Variants in MDGA2 observed in about 807,000 individuals in gnomAD.
The protein encoded by MDGA2 is MAM domain containing glycosylphosphatidylinositol anchor 2.
In MDGA2, 40 loss-of-function variants were observed where a neutral mutation model predicts 117.8. The observed-to-expected ratio is 0.34, with a 90% confidence interval of 0.26 to 0.44. The LOEUF is 0.44. Among genes scored for constraint, MDGA2 ranks in the 20% least tolerant of loss-of-function variants. The probability of loss-of-function intolerance (pLI) is 1.00; values close to 1 mark genes in which losing one functional copy is unlikely to be tolerated. For missense variants in MDGA2, 1,123 were observed against 1,250.6 expected, an observed-to-expected ratio of 0.90 and a Z score of 1.54; for synonymous variants, 452 against 439.0, an observed-to-expected ratio of 1.03 and a Z score of -0.37.
chr14:47,136,327 G>T (rs1241033727), intron 4 of MDGA2, among the ~76,000 whole-genome samples: 1 of 151,438 alleles, frequency 6.6e-6, no homozygotes, highest in Non-Finnish European at 1.5e-5. Context: ...CTCCCAAGTA[G>T]CTGGGATTAT....
intron 10 of MDGA2, among the ~76,000 whole-genome samples, chr14:46,919,039 G>A (rs867711089): frequency 2.0e-5 from 3 of 152,244 alleles, no homozygotes; most frequent in Middle Eastern, 3.4e-3. Flanking sequence ...TGGGATTACA[G>A]GCGTGAGCCA....
intron 2 of MDGA2, among the ~76,000 whole-genome samples, chr14:47,273,436 A>C (rs900535368): frequency 5.9e-5 from 9 of 152,182 alleles, no homozygotes; most frequent in African/African-American, 1.9e-4. Flanking sequence ...TGAAAAGCTT[A>C]ATGGTGCTTT....
chr14:47,125,775 CTT>C (rs904405472), intron 5 of MDGA2, among the ~76,000 whole-genome samples: 2 of 151,876 alleles, frequency 1.3e-5, no homozygotes, highest in Admixed American at 6.6e-5. Flanking sequence ...AATCAAGGGA[CTT>C]ATATAATTAG....
chr14:47,267,093 A>T (rs2139690106), intron 2 of MDGA2, among the ~76,000 whole-genome samples: 1 of 152,312 alleles, frequency 6.6e-6, no homozygotes, highest in Non-Finnish European at 1.5e-5. Flanking sequence ...GGATGATTGC[A>T]TGAAGTACCT....
chr14:47,405,844 A>G lies in MDGA2; in HGVS notation c.281-104294T>C, dbSNP rs1463875320. Among the ~76,000 whole-genome samples the G allele has an allele frequency of 7.2e-5, 11 of 152,170 alleles. 1 individual carries two copies. The highest frequency in any genetic ancestry group is 7.2e-4 in the Admixed American group (11 of 15,278). ...CAAAAGATTTACCTCTACAAAGAAC[A>G]TTTCCAAAACATTATTTATGTTCAT... On this transcript the variant is annotated intron_variant, in intron 1 of 16. Transcript: ENST00000399232.
intron 1 of MDGA2, among the ~76,000 whole-genome samples, chr14:47,353,843 C>T (rs998462326): frequency 1.2e-4 from 19 of 152,044 alleles, no homozygotes; most frequent in African/African-American, 2.2e-4. Context: ...CAGAAAAATA[C>T]GCTACATGAA....
At chr14:47,669,141 A>G (rs891319916) in intron 1 of MDGA2, among the ~76,000 whole-genome samples, 6 of 152,244 alleles carry the variant, frequency 3.9e-5, no homozygotes, top group Non-Finnish European at 8.8e-5. Flanking sequence ...TACAGAGCAC[A>G]TCCTTGCAGA....
intron 1 of MDGA2, among the ~76,000 whole-genome samples, chr14:47,588,401 A>G (rs747197846): frequency 6.6e-6 from 1 of 151,626 alleles, no homozygotes; most frequent in Non-Finnish European, 1.5e-5. Flanking sequence ...ATCAATTTCT[A>G]ACATCCTTGT....
At chr14:47,173,346 G>A (rs1360655669) in intron 3 of MDGA2, among the ~76,000 whole-genome samples, 17 of 152,088 alleles carry the variant, frequency 1.1e-4, no homozygotes, top group African/African-American at 4.1e-4. Context: ...ACACATAATT[G>A]TCAGATTCAC....
intron 2 of MDGA2, among the ~76,000 whole-genome samples, chr14:47,222,158 T>C (rs974759702): frequency 2.0e-5 from 3 of 152,110 alleles, no homozygotes; most frequent in East Asian, 3.9e-4. Context: ...CAAGCTTGCG[T>C]ACAGTTAACA....
At chr14:47,282,200 C>G (rs913226865) in intron 2 of MDGA2, among the ~76,000 whole-genome samples, 1 of 152,056 alleles carries the variant, frequency 6.6e-6, no homozygotes, top group Non-Finnish European at 1.5e-5. Flanking sequence ...TGTGGCCATT[C>G]ATTCTTTTTG....
At chr14:47,607,692 G>C (rs768399038) in intron 1 of MDGA2, among the ~76,000 whole-genome samples, 1 of 152,112 alleles carries the variant, frequency 6.6e-6, no homozygotes, top group Non-Finnish European at 1.5e-5. Flanking sequence ...AAAGCAGGAA[G>C]TTCCTTGCAT....
intron 1 of MDGA2, among the ~76,000 whole-genome samples, chr14:47,665,889 G>A (rs61995227): frequency 0.99 from 144,068 of 144,794 alleles, 71,680 homozygotes; most frequent in East Asian, 1. Flanking sequence ...TGAGGAGCGC[G>A]GCCCCCTGCT....
intron 1 of MDGA2, among the ~76,000 whole-genome samples, chr14:47,476,496 C>G (rs1396891567): frequency 6.6e-6 from 1 of 151,028 alleles, no homozygotes; most frequent in Non-Finnish European, 1.5e-5. Flanking sequence ...TGAATTTGAT[C>G]TCAAAAGTAT....
intron 1 of MDGA2, among the ~76,000 whole-genome samples, chr14:47,310,037 A>G (rs1889584588): frequency 6.6e-6 from 1 of 152,150 alleles, no homozygotes; most frequent in African/African-American, 2.4e-5. Context: ...ATTATTCTGA[A>G]TTATCTTCCA....
intron 2 of MDGA2, among the ~76,000 whole-genome samples, chr14:47,286,024 G>T (rs997575075): frequency 6.6e-6 from 1 of 151,794 alleles, no homozygotes; most frequent in Admixed American, 6.6e-5. Flanking sequence ...GTCCTATATT[G>T]TGTGTCTGTG....
chr14:46,983,040 C>T (rs944129578), intron 8 of MDGA2, among the ~76,000 whole-genome samples: 2 of 151,960 alleles, frequency 1.3e-5, no homozygotes, highest in African/African-American at 4.8e-5. Context: ...TTGTCAAAGG[C>T]CTTTTCTGCA....
chr14:47,305,934 A>T (rs1321572281), intron 1 of MDGA2: 1 of 152,174 alleles, frequency 6.6e-6, no homozygotes, highest in Non-Finnish European at 1.5e-5. Flanking sequence ...TTGGGAGCAA[A>T]AGAGGAAGGA....
intron 14 of MDGA2, among the ~76,000 whole-genome samples, chr14:46,865,826 A>T (rs947060762): frequency 1.3e-5 from 2 of 151,892 alleles, no homozygotes; most frequent in Non-Finnish European, 2.9e-5. Context: ...TAGCAATCCA[A>T]CTTACAAGGG....
Sources: allele counts gnomAD v4.1 joint callset (sites outside exome capture counted in the v4.1 genomes callset), GRCh38; gene constraint gnomAD v4.1.1; transcripts MANE v1.5; gene names NCBI Gene and HGNC (gene_info 2026-07-23, HGNC 2026-07-21).